SLIT3: variants seen among roughly 807,000 people sequenced by gnomAD.
The protein encoded by SLIT3 is slit guidance ligand 3.
In SLIT3, 68 loss-of-function variants were observed where a neutral mutation model predicts 184.0. That is an observed-to-expected ratio of 0.37 (90% CI 0.30 to 0.45). SLIT3 has a LOEUF of 0.45. SLIT3 is among the 20% of genes least tolerant of loss of function. The probability of loss-of-function intolerance (pLI) is 1.00; values close to 1 mark genes in which losing one functional copy is unlikely to be tolerated. For synonymous variants in SLIT3, 831 were observed against 828.6 expected, an observed-to-expected ratio of 1.00 and a Z score of -0.05; for missense variants, 1,707 against 2,026.0, an observed-to-expected ratio of 0.84 and a Z score of 3.02.
chr5:168,942,486 C>G (rs954275287), intron 4 of SLIT3, among the ~76,000 whole-genome samples: 1 of 152,160 alleles, frequency 6.6e-6, no homozygotes, highest in Non-Finnish European at 1.5e-5. Context: ...AAAATTTGTA[C>G]AAAATGTATC....
intron 32 of SLIT3, among the ~76,000 whole-genome samples, chr5:168,681,166 C>CA (rs1016455682): frequency 1.3e-5 from 2 of 152,028 alleles, no homozygotes; most frequent in Admixed American, 6.6e-5. Context: ...ACCCAAAAAA[C>CA]AAAAAAACTT....
chr5:168,792,862 C>G (rs78731469), intron 10 of SLIT3, among the ~76,000 whole-genome samples: 1 of 152,154 alleles, frequency 6.6e-6, no homozygotes, highest in Admixed American at 6.5e-5. Context: ...ACTGACATGA[C>G]GTCACAAGTG....
intron 4 of SLIT3, among the ~76,000 whole-genome samples, chr5:168,976,411 C>T (rs1754763633): frequency 6.6e-6 from 1 of 152,174 alleles, no homozygotes; most frequent in African/African-American, 2.4e-5. Context: ...ATACCACTGC[C>T]TAGTTGTTGC....
Position 168,748,363 on chromosome 5 carries a change from G to A in SLIT3, c.2209C>T (p.Arg737Ter). The A allele has an allele frequency of 6.6e-7, 1 of 1,506,974 alleles. No homozygotes were observed. Among genetic ancestry groups the A allele is most frequent in the Non-Finnish European group, 8.8e-7 (1 of 1,136,918 alleles). The allele number at this position is 1,506,974 out of a possible 1,614,324, so 93.4% of individuals were successfully genotyped here. A position where few individuals can be genotyped will look rare whatever the true frequency, so the allele number is the denominator to read the frequency against. The part of the protein sequence containing the change: ...EQCTCMETVV[R>*]CSNKGLRALP... ...GCGCGGAGCCCCTTGTTGCTGCATCGCACCACTGTCTCCATACAGGTGCAC... is the reference window on the plus strand; with the variant it reads ...GCGCGGAGCCCCTTGTTGCTGCATCACACCACTGTCTCCATACAGGTGCAC... Residue 737 changes from arginine to a stop codon, truncating the protein, a stop_gained, in exon 20 of 36, where the codon CGA (arginine) becomes TGA (stop). Coordinates refer to ENST00000519560, the MANE Select transcript of SLIT3 (RefSeq NM_003062.4). LOFTEE classifies it high-confidence loss of function.
intron 4 of SLIT3, among the ~76,000 whole-genome samples, chr5:169,097,522 A>G (rs953630310): frequency 3.3e-5 from 5 of 152,230 alleles, no homozygotes; most frequent in Non-Finnish European, 7.3e-5. Flanking sequence ...CGCATTTTCA[A>G]AATTGTATTT....
chr5:168,971,656 A>G (rs1754581486), intron 4 of SLIT3, among the ~76,000 whole-genome samples: 2 of 152,224 alleles, frequency 1.3e-5, no homozygotes, highest in South Asian at 2.1e-4. Context: ...AAAACATTCA[A>G]TAAATATCTG....
chr5:168,907,925 TTATATATATATTATACGTGTATA>T (rs1340722009), intron 4 of SLIT3, among the ~76,000 whole-genome samples: 8 of 126,082 alleles, frequency 6.3e-5, no homozygotes, highest in Non-Finnish European at 1.3e-4. Flanking sequence ...TATATCTATT[TTATATATATATTATACGTGTATA>T]TATATATATA....
chr5:169,239,214 C>T (rs1354464565), intron 3 of SLIT3, among the ~76,000 whole-genome samples: 1 of 152,082 alleles, frequency 6.6e-6, no homozygotes, highest in South Asian at 2.1e-4. Context: ...ATATATTATC[C>T]TTTTCACCTA....
At chr5:169,144,894 G>A (rs1343517685) in intron 4 of SLIT3, among the ~76,000 whole-genome samples, 1 of 152,216 alleles carries the variant, frequency 6.6e-6, no homozygotes. Context: ...TGCCTGGGAC[G>A]ATGCATGCTC....
intron 3 of SLIT3, among the ~76,000 whole-genome samples, chr5:169,219,985 G>C (rs560656727): frequency 2.0e-5 from 3 of 152,052 alleles, no homozygotes; most frequent in East Asian, 3.9e-4. Context: ...GCTACATGCC[G>C]GTGTCTTCAG....
At chr5:169,071,606 T>A (rs985182208) in intron 4 of SLIT3, among the ~76,000 whole-genome samples, 13 of 152,168 alleles carry the variant, frequency 8.5e-5, no homozygotes, top group Admixed American at 7.2e-4. Context: ...CCATATTTCC[T>A]CCCAGCAATG....
At chr5:168,975,393 T>C (rs540992909) in intron 4 of SLIT3, among the ~76,000 whole-genome samples, 43 of 152,288 alleles carry the variant, frequency 2.8e-4, no homozygotes, top group South Asian at 1.0e-3. Flanking sequence ...TGTCCTGTTC[T>C]GGACCATGTC....
At chr5:168,885,491 G>A (rs746892533) in intron 4 of SLIT3, among the ~76,000 whole-genome samples, 26 of 152,178 alleles carry the variant, frequency 1.7e-4, no homozygotes, top group Non-Finnish European at 3.1e-4. Flanking sequence ...CCCAGGTCCT[G>A]TCATCTGACT....
chr5:168,928,733 T>C (rs1761903555), intron 4 of SLIT3, among the ~76,000 whole-genome samples: 4 of 152,250 alleles, frequency 2.6e-5, no homozygotes, highest in Admixed American at 2.6e-4. Context: ...TAGTTAATAC[T>C]GTAGGTACTA....
At chr5:169,086,864 A>G (rs1759322176) in intron 4 of SLIT3, among the ~76,000 whole-genome samples, 1 of 152,202 alleles carries the variant, frequency 6.6e-6, no homozygotes, top group African/African-American at 2.4e-5. Context: ...ACTGCCTTCT[A>G]ACAGGGGGAC....
chr5:168,881,643 T>C (rs946266700), intron 5 of SLIT3, among the ~76,000 whole-genome samples: 2 of 152,312 alleles, frequency 1.3e-5, no homozygotes, highest in East Asian at 1.9e-4. Flanking sequence ...ATAGTTGTTT[T>C]TGGTTCATGT....
intron 4 of SLIT3, among the ~76,000 whole-genome samples, chr5:168,895,934 G>A (rs1211690893): frequency 2.0e-5 from 3 of 152,220 alleles, no homozygotes; most frequent in Admixed American, 6.5e-5. Context: ...CTGCAGAGAT[G>A]AAATTCATTA....
chr5:168,901,449 T>C (rs2113828321), intron 4 of SLIT3, among the ~76,000 whole-genome samples: 1 of 152,282 alleles, frequency 6.6e-6, no homozygotes, highest in South Asian at 2.1e-4. Flanking sequence ...AGAATCTCCA[T>C]CCTCAACCCA....
chr5:168,907,163 G>GA (rs1206680300), intron 4 of SLIT3, among the ~76,000 whole-genome samples: 2 of 152,124 alleles, frequency 1.3e-5, no homozygotes, highest in Non-Finnish European at 2.9e-5. Flanking sequence ...GCCCAGCTGG[G>GA]ATTTTTTTAT....
Sources: allele counts gnomAD v4.1 joint callset (sites outside exome capture counted in the v4.1 genomes callset), GRCh38; gene constraint gnomAD v4.1.1; transcripts MANE v1.5; gene names NCBI Gene and HGNC (gene_info 2026-07-23, HGNC 2026-07-21).